RHOBTB3: variants seen among roughly 807,000 people sequenced by gnomAD.
RHOBTB3 encodes rho-related BTB domain-containing protein 3.
In RHOBTB3, 47 loss-of-function variants were observed where a neutral mutation model predicts 67.2. That is an observed-to-expected ratio of 0.70 (90% CI 0.55 to 0.89). The LOEUF is 0.89. Among genes scored for constraint, RHOBTB3 ranks in the 40% least tolerant of loss-of-function variants. The pLI, the probability that RHOBTB3 is intolerant of heterozygous loss-of-function variation, is 0.00. For missense variants in RHOBTB3, 631 were observed against 750.0 expected, an observed-to-expected ratio of 0.84 and a Z score of 1.85; for synonymous variants, 273 against 274.2, an observed-to-expected ratio of 1.00 and a Z score of 0.04.
At chr5:95,731,025 C>G (rs1755212617), upstream of RHOBTB3, 21 of 894,302 alleles carry the variant, frequency 2.3e-5, no homozygotes, top group Non-Finnish European at 3.2e-5. Context: ...CATCGCCCCA[C>G]CCCCCTTTCC....
At chr5:95,743,065 C>T (rs530119257) in intron 3 of RHOBTB3, among the ~76,000 whole-genome samples, 60 of 151,742 alleles carry the variant, frequency 4.0e-4, no homozygotes, top group Middle Eastern at 3.2e-3. Context: ...AGCGAGACTC[C>T]ATCTCAAAAA....
intron 2 of RHOBTB3, among the ~76,000 whole-genome samples, chr5:95,735,545 G>C (rs1482478685): frequency 6.6e-6 from 1 of 152,144 alleles, no homozygotes; most frequent in African/African-American, 2.4e-5. Flanking sequence ...TGTTAACCCT[G>C]TTTTAGACTC....
intron 3 of RHOBTB3, among the ~76,000 whole-genome samples, chr5:95,737,862 T>A (rs1023164243): frequency 1.3e-5 from 2 of 152,194 alleles, no homozygotes; most frequent in Non-Finnish European, 2.9e-5. Flanking sequence ...GAAGGCTCCC[T>A]CATGCTCTTC....
Position 95,783,836 on chromosome 5 carries a change from A to T in RHOBTB3, c.1496A>T (p.Glu499Val). Residue 499 changes from glutamate to valine, a missense_variant, in exon 10 of 12, where the codon GAG (glutamate) becomes GTG (valine). Transcript: ENST00000379982. Reference protein sequence around the residue: ...FQAMCLLICAEMYQVSRLQHI... With the variant: ...FQAMCLLICAVMYQVSRLQHI... ...GCCATGTGTCTCCTGATCTGTGCCG[A>T]GATGTACCAAGTGTCCAGACTGCAG... 1 of 1,613,708 alleles carries T rather than the reference A, an allele frequency of 6.2e-7. No homozygotes were observed. Among genetic ancestry groups the T allele is most frequent in the Non-Finnish European group, 8.5e-7 (1 of 1,179,822 alleles).
At chr5:95,774,934 C>G (rs1369961543) in intron 8 of RHOBTB3, among the ~76,000 whole-genome samples, 2 of 152,116 alleles carry the variant, frequency 1.3e-5, no homozygotes, top group Non-Finnish European at 2.9e-5. Flanking sequence ...GGCAGCAACT[C>G]TGCTAGAGAT....
intron 10 of RHOBTB3, among the ~76,000 whole-genome samples, chr5:95,785,844 G>A (rs1580430637): frequency 1.3e-5 from 2 of 152,012 alleles, no homozygotes; most frequent in Admixed American, 1.3e-4. Flanking sequence ...TTATGTATAA[G>A]AGAACTTCCC....
chr5:95,777,106 T>C (rs1167985264), intron 8 of RHOBTB3, among the ~76,000 whole-genome samples: 1 of 152,218 alleles, frequency 6.6e-6, no homozygotes. Flanking sequence ...ATAGCAGTTC[T>C]AAAGTCAGTC....
At chr5:95,753,890 A>C in intron 5 of RHOBTB3, among the ~76,000 whole-genome samples, 1 of 152,176 alleles carries the variant, frequency 6.6e-6, no homozygotes, top group East Asian at 1.9e-4. Flanking sequence ...TGGGCAGATC[A>C]CCAGGGGTCA....
At chr5:95,748,649 A>G (rs1454618177) in intron 4 of RHOBTB3, among the ~76,000 whole-genome samples, 162 bp downstream of exon 4, 3 of 138,678 alleles carry the variant, frequency 2.2e-5, no homozygotes, top group Non-Finnish European at 3.1e-5. Context: ...TCAGAATAAA[A>G]TTATAATTTT....
At chr5:95,732,165 TC>T in intron 2 of RHOBTB3, 81 bp downstream of exon 2, 1 of 1,281,340 alleles carries the variant, frequency 7.8e-7, no homozygotes, top group Non-Finnish European at 1.1e-6. Context: ...TCTGCCCACT[TC>T]CGTGAGTGTG....
intron 4 of RHOBTB3, among the ~76,000 whole-genome samples, chr5:95,750,109 C>A (rs1745046276): frequency 1.3e-5 from 2 of 152,108 alleles, no homozygotes; most frequent in African/African-American, 2.4e-5. Context: ...CAACTGGGAT[C>A]TTGAGTGTAA....
intron 2 of RHOBTB3, among the ~76,000 whole-genome samples, chr5:95,733,047 T>C (rs879931254): frequency 6.6e-6 from 1 of 152,188 alleles, no homozygotes; most frequent in Non-Finnish European, 1.5e-5. Context: ...ATTAGGACTA[T>C]AGGAAAGTAT....
chr5:95,750,235 C>T (rs374822164), intron 4 of RHOBTB3, among the ~76,000 whole-genome samples: 44 of 152,266 alleles, frequency 2.9e-4, no homozygotes, highest in Middle Eastern at 6.8e-3. Flanking sequence ...TACCCTTAGA[C>T]CTAGGCCAGA....
intron 11 of RHOBTB3, among the ~76,000 whole-genome samples, chr5:95,792,397 AAAAAAGAAAAG>A (rs1473371850): frequency 1.0e-4 from 15 of 144,056 alleles, no homozygotes; most frequent in African/African-American, 4.0e-4. Flanking sequence ...AGAAAAAAAA[AAAAAAGAAAAG>A]AAAAGAAAAG....
chr5:95,725,275 A>AC (rs1561433968), intron 1 of RHOBTB3, among the ~76,000 whole-genome samples: 3 of 152,288 alleles, frequency 2.0e-5, no homozygotes, highest in Non-Finnish European at 4.4e-5. Context: ...ACAAATGATG[A>AC]TGAATAAAAG....
At chr5:95,718,767 G>A (rs1024926633) in intron 1 of RHOBTB3, among the ~76,000 whole-genome samples, 1 of 152,210 alleles carries the variant, frequency 6.6e-6, no homozygotes, top group Non-Finnish European at 1.5e-5. Flanking sequence ...TATGAGAACA[G>A]ACAAGAGATG....
At chr5:95,781,851 A>G (rs1432455339) in intron 9 of RHOBTB3, 1 of 58,920 alleles carries the variant, frequency 1.7e-5, no homozygotes, top group Non-Finnish European at 3.4e-5. Flanking sequence ...CTCCGTCTCA[A>G]AAAAAGACTT....
At chr5:95,770,921 A>G (rs6556879) in intron 8 of RHOBTB3, among the ~76,000 whole-genome samples, 76,122 of 151,732 alleles carry the variant, frequency 0.5, 19,768 homozygotes, top group Admixed American at 0.6. Context: ...CAAATAATTT[A>G]TTTTGTATTT....
chr5:95,731,742 G>C, intron 1 of RHOBTB3, 58 bp downstream of exon 1: 1 of 1,611,432 alleles, frequency 6.2e-7, no homozygotes, highest in Non-Finnish European at 8.5e-7. Context: ...GTGCGCCCCA[G>C]GGACAGGGGC....
Sources: allele counts gnomAD v4.1 joint callset (sites outside exome capture counted in the v4.1 genomes callset), GRCh38; gene constraint gnomAD v4.1.1; transcripts MANE v1.5; gene names NCBI Gene and HGNC (gene_info 2026-07-23, HGNC 2026-07-21).